The following SYN3 variants were observed in gnomAD, a reference collection of about 807,000 sequenced individuals.
SYN3 encodes synapsin-3.
Under a neutral mutation model 65.8 loss-of-function variants are expected in SYN3, and 35 were observed. The ratio of observed to expected loss-of-function variants is 0.53; its 90% CI spans 0.41 to 0.70. SYN3 has a LOEUF of 0.70. Ranked by LOEUF, SYN3 falls within the 30% of genes least tolerant of loss-of-function variation. SYN3 has a pLI of 0.00. For missense variants in SYN3, 680 were observed against 749.0 expected (o/e 0.91, Z 1.08); for synonymous variants, 270 against 292.9 (o/e 0.92, Z 0.80).
At chr22:32,879,429 G>A (rs1414976514) in intron 4 of SYN3, among the ~76,000 whole-genome samples, 4 of 152,210 alleles carry the variant, frequency 2.6e-5, no homozygotes, top group South Asian at 4.1e-4. Flanking sequence ...AAGAAGTCCA[G>A]GACCAAGGCA....
chr22:32,998,791 A>AACC (rs1556121669), intron 2 of SYN3, among the ~76,000 whole-genome samples: 2 of 142,254 alleles, frequency 1.4e-5, no homozygotes, highest in African/African-American at 2.6e-5. Context: ...AAAAAAAAAA[A>AACC]AAAAAAAACA....
intron 1 of SYN3, among the ~76,000 whole-genome samples, chr22:33,045,684 G>A (rs147931744): frequency 2.0e-4 from 30 of 151,586 alleles, no homozygotes; most frequent in Admixed American, 1.2e-3. Context: ...GGATGGTCTC[G>A]ATCTCCTGAC....
chr22:32,624,945 G>GC (rs1045749539), intron 6 of SYN3, among the ~76,000 whole-genome samples: 1 of 152,184 alleles, frequency 6.6e-6, no homozygotes, highest in Admixed American at 6.5e-5. Context: ...TAAGCCTTCT[G>GC]CCTACCCTCT....
Position 32,522,314 on chromosome 22 carries a change from A to G in SYN3, c.1319-3980T>C, listed in dbSNP as rs558829397. On this transcript the variant is annotated intron_variant, in intron 12 of 13. Transcript: ENST00000358763. ...TTTTAAATTGATTGTTTTTCAACTC[A>G]CTAAAAGTGTGTTTAGCCTCATTTC... 2.6e-5 allele frequency among the ~76,000 whole-genome samples: 4 copies of G among 152,332 alleles called. No homozygotes were observed. In the East Asian group the frequency reaches 7.7e-4, roughly 29 times the overall value.
At chr22:32,690,941 G>A (rs1005364801) in intron 6 of SYN3, among the ~76,000 whole-genome samples, 253 of 152,290 alleles carry the variant, frequency 1.7e-3, no homozygotes, top group African/African-American at 5.8e-3. Flanking sequence ...GAAAGAGGAG[G>A]TGGCAGTGAA....
At chr22:32,678,607 T>G (rs2060480111) in intron 6 of SYN3, among the ~76,000 whole-genome samples, 1 of 151,060 alleles carries the variant, frequency 6.6e-6, no homozygotes, top group African/African-American at 2.4e-5. Context: ...TTCTTCTCCT[T>G]CTTTCTTCCT....
intron 3 of SYN3, among the ~76,000 whole-genome samples, chr22:32,937,496 T>C (rs1025951130): frequency 2.0e-5 from 3 of 152,182 alleles, no homozygotes; most frequent in South Asian, 2.1e-4. Context: ...CTTACAATCA[T>C]GGTGGAAGGC....
At position 32,801,991 on chromosome 22, in the gene SYN3, C is replaced by T; in HGVS notation, c.711+62924G>A. On this transcript the variant is annotated intron_variant, in intron 6 of 13. Transcript: ENST00000358763. The surrounding 1 kb of genome is among the most constrained non-coding windows in gnomAD (Gnocchi z 4.7). ...CGAGCAGCAGCCCCGGCAGCGGCGG[C>T]AGCAGCGGCAATGACCCCTTGGCTC... 1 of 1,583,102 alleles carries T rather than the reference C, an allele frequency of 6.3e-7. No homozygotes were observed. The highest frequency in any genetic ancestry group is 8.5e-7 in the Non-Finnish European group (1 of 1,171,414).
At chr22:32,630,955 G>A (rs536869320) in intron 6 of SYN3, among the ~76,000 whole-genome samples, 20 of 152,206 alleles carry the variant, frequency 1.3e-4, no homozygotes, top group Middle Eastern at 3.4e-3. Context: ...ACAGCAACTC[G>A]GATTCCAACC....
At chr22:33,050,474 T>TCC (rs2054145367) in intron 1 of SYN3, among the ~76,000 whole-genome samples, 1 of 94,910 alleles carries the variant, frequency 1.1e-5, no homozygotes, top group Admixed American at 1.2e-4. Flanking sequence ...AGAGCGAGAC[T>TCC]GTTTCAAAAA....
chr22:32,509,299 G>A lies in SYN3; in HGVS notation c.*4393C>T, dbSNP rs2057665419. Among the ~76,000 whole-genome samples the A allele has an allele frequency of 6.6e-6, 1 of 152,134 alleles. No individual in the cohort carries two copies. The highest frequency in any genetic ancestry group is 2.4e-5 in the African/African-American group (1 of 41,422). ...TCAGCTTCCCCGAGTCAGCTTGGAG[G>A]GAAAATGCTAGCCTCTCTCTGGCTC... On this transcript the variant is annotated 3_prime_UTR_variant, in exon 14 of 14. Transcript: ENST00000358763.
At chr22:32,980,558 T>C in intron 3 of SYN3, 87 bp downstream of exon 3, 1 of 1,243,260 alleles carries the variant, frequency 8.0e-7, no homozygotes, top group South Asian at 1.2e-5. Flanking sequence ...TATGACCACA[T>C]AAGATGGGGA....
chr22:32,596,018 A>T (rs1262505634), intron 7 of SYN3, among the ~76,000 whole-genome samples: 1 of 152,168 alleles, frequency 6.6e-6, no homozygotes, highest in African/African-American at 2.4e-5. Context: ...TGGAGGCTGT[A>T]GTGAGCCGAG....
At chr22:32,736,518 T>C (rs983660578) in intron 6 of SYN3, among the ~76,000 whole-genome samples, 3 of 152,204 alleles carry the variant, frequency 2.0e-5, no homozygotes, top group Non-Finnish European at 2.9e-5. Flanking sequence ...ACAGTGTTAA[T>C]GCTTTGTATA....
At chr22:32,717,411 C>A (rs1386505107) in intron 6 of SYN3, among the ~76,000 whole-genome samples, 1 of 152,208 alleles carries the variant, frequency 6.6e-6, no homozygotes, top group East Asian at 1.9e-4. Context: ...GAGGCCCCAG[C>A]CATGGTGATC....
chr22:32,855,100 AC>A (rs1370718750), intron 6 of SYN3, among the ~76,000 whole-genome samples: 1 of 152,100 alleles, frequency 6.6e-6, no homozygotes, highest in East Asian at 1.9e-4. Context: ...CCTATTATAA[AC>A]CCTTGGGACA....
Position 32,519,838 on chromosome 22 carries a change from G to T in SYN3, c.1319-1504C>A, listed in dbSNP as rs1361373229. ...TTATTCTTGCCACGTTTTTTTGAGAGCACCGTAGGCACGTTAGGAGACTGA... is the reference window on the plus strand; with the variant it reads ...TTATTCTTGCCACGTTTTTTTGAGATCACCGTAGGCACGTTAGGAGACTGA... On this transcript the variant is annotated intron_variant, in intron 12 of 13. Coordinates refer to ENST00000358763, the MANE Select transcript of SYN3 (RefSeq NM_003490.4). Among the ~76,000 whole-genome samples, 3 of 152,108 alleles carry T rather than the reference G, an allele frequency of 2.0e-5. No homozygotes were observed. In the East Asian group the frequency reaches 5.8e-4, roughly 29 times the overall value.
At chr22:32,552,214 C>G (rs2058427318) in intron 7 of SYN3, among the ~76,000 whole-genome samples, 1 of 152,100 alleles carries the variant, frequency 6.6e-6, no homozygotes, top group African/African-American at 2.4e-5. Flanking sequence ...CCACTGCACT[C>G]CAGCCCGGGT....
intron 2 of SYN3, among the ~76,000 whole-genome samples, chr22:33,000,992 G>A (rs755292650): frequency 6.6e-6 from 1 of 152,308 alleles, no homozygotes; most frequent in African/African-American, 2.4e-5. Context: ...AAAGTGTTGC[G>A]ATTCAGAGAG....
Sources: gnomAD v4.1 joint callset for allele counts (sites outside exome capture counted in the v4.1 genomes callset) on GRCh38, gnomAD v4.1.1 for gene constraint, Gnocchi (gnomAD v3.1) non-coding constraint, MANE v1.5 for transcripts, NCBI Gene and HGNC (gene_info 2026-07-23, HGNC 2026-07-21) for gene names.